The following ARL17B variants were observed in gnomAD, a reference collection of about 807,000 sequenced individuals.
ARL17B encodes the protein ARF like GTPase 17B.
At chr17:46,323,502 T>G (rs2051513373) in intron 3 of ARL17B, among the ~76,000 whole-genome samples, 2 of 93,460 alleles carry the variant, frequency 2.1e-5, no homozygotes, top group African/African-American at 6.9e-5. Flanking sequence ...GTTCAAGTGG[T>G]TCTCCTGCCT....
At chr17:46,279,395 G>C (rs1324905530) in intron 4 of ARL17B, among the ~76,000 whole-genome samples, 3 of 151,486 alleles carry the variant, frequency 2.0e-5, no homozygotes, top group Non-Finnish European at 4.4e-5. Context: ...TGTTGTCCAG[G>C]CTGGTCTTGA....
intron 4 of ARL17B, among the ~76,000 whole-genome samples, chr17:46,287,684 G>A (rs2532279): frequency 0.14 from 21,593 of 151,742 alleles, 1,904 homozygotes; most frequent in Non-Finnish European, 0.22. Context: ...GGCCTGGCTA[G>A]TTAACGGGTA....
chr17:46,279,258 A>G (rs1297993296), intron 4 of ARL17B, among the ~76,000 whole-genome samples: 1 of 144,274 alleles, frequency 6.9e-6, no homozygotes, highest in Non-Finnish European at 1.5e-5. Flanking sequence ...ATCTTGGCTC[A>G]CTGCAACCTC....
intron 4 of ARL17B, among the ~76,000 whole-genome samples, chr17:46,290,097 TGACAAAGTGA>T (rs2050024688): frequency 6.7e-6 from 1 of 148,924 alleles, no homozygotes; most frequent in South Asian, 2.1e-4. Context: ...GCAATGTAGA[TGACAAAGTGA>T]GACCCTGTCT....
chr17:46,316,675 G>C (rs1322867062), intron 3 of ARL17B, among the ~76,000 whole-genome samples: 1 of 61,072 alleles, frequency 1.6e-5, no homozygotes, highest in East Asian at 3.2e-4. Flanking sequence ...GGATTTGGCA[G>C]GGTCATAGGA....
At chr17:46,280,763 G>A (rs2049741626) in intron 4 of ARL17B, among the ~76,000 whole-genome samples, 1 of 152,094 alleles carries the variant, frequency 6.6e-6, no homozygotes, top group Admixed American at 6.5e-5. Context: ...TAGTAGGGAC[G>A]AGGTTTTGCC....
At position 46,334,939 on chromosome 17, in the gene ARL17B, C is replaced by T. The variant is rs1323761337; in HGVS notation, c.*4561G>A. ...TATGTATACATTTTATTAGTGATGA[C>T]TTAAATTACATGGGGCCAGGCATGG... is the stretch of plus-strand genomic sequence containing the variant. On this transcript the variant is annotated 3_prime_UTR_variant, in exon 4 of 4. Transcript: ENST00000450673. The T allele has an allele frequency of 9.1e-6, 1 of 110,420 alleles. No homozygotes were observed. 6.8% of individuals were successfully genotyped at this position (110,420 alleles called of 1,614,324 possible).
downstream of ARL17B, chr17:46,330,809 C>G: frequency 1.5e-6 from 1 of 675,246 alleles, no homozygotes; most frequent in South Asian, 2.8e-5. Context: ...CCAGAAAAGG[C>G]ACTTCAAAGA....
At chr17:46,290,602 A>G (rs1278255450) in intron 4 of ARL17B, among the ~76,000 whole-genome samples, 1 of 151,940 alleles carries the variant, frequency 6.6e-6, no homozygotes, top group Non-Finnish European at 1.5e-5. Flanking sequence ...GCCTGCCACC[A>G]TGCCTGGCTA....
chr17:46,332,925 T>C (rs188242700), downstream of ARL17B, among the ~76,000 whole-genome samples: 3 of 151,580 alleles, frequency 2.0e-5, no homozygotes, highest in African/African-American at 7.3e-5. Context: ...TAGCAAAATT[T>C]CTCCCACCCA....
At chr17:46,278,112 A>G in intron 4 of ARL17B, among the ~76,000 whole-genome samples, 1 of 151,998 alleles carries the variant, frequency 6.6e-6, no homozygotes, top group Non-Finnish European at 1.5e-5. Flanking sequence ...ATGCCTGGCT[A>G]ATTTTTGTAT....
At chr17:46,281,959 T>C (rs2081921785) in intron 4 of ARL17B, among the ~76,000 whole-genome samples, 1 of 152,106 alleles carries the variant, frequency 6.6e-6, no homozygotes, top group South Asian at 2.1e-4. Context: ...TTACAGATTT[T>C]GTAGTTTCTT....
chr17:46,283,397 A>G (rs1448240165), intron 4 of ARL17B, among the ~76,000 whole-genome samples: 1 of 152,284 alleles, frequency 6.6e-6, no homozygotes, highest in Non-Finnish European at 1.5e-5. Context: ...TTATGGGCCT[A>G]TAATGAAAAA....
chr17:46,327,936 C>T (rs1307576226), intron 3 of ARL17B, among the ~76,000 whole-genome samples: 1 of 62,214 alleles, frequency 1.6e-5, no homozygotes, highest in African/African-American at 3.6e-5. Flanking sequence ...CCAATGCAGT[C>T]TTTGTTATTT....
chr17:46,281,525 G>A (rs1315661274), intron 4 of ARL17B, among the ~76,000 whole-genome samples: 3 of 152,166 alleles, frequency 2.0e-5, no homozygotes, highest in Non-Finnish European at 2.9e-5. Flanking sequence ...GAACTCCTGG[G>A]CACAAGTGAT....
rs868096093 is a variant in ARL17B, at chr17:46,341,193, T to C, written c.260-1419A>G. ...TGGGGATGGGAGGCAGGACTGCACCTTCACAGGGACGCTTCCACCCTACCC... is the reference window on the plus strand; with the variant it reads ...TGGGGATGGGAGGCAGGACTGCACCCTCACAGGGACGCTTCCACCCTACCC... On this transcript the variant is annotated intron_variant, in intron 3 of 3. Coordinates refer to ENST00000450673, the MANE Select transcript of ARL17B (RefSeq NM_001039083.5). 8.4e-3 allele frequency among the ~76,000 whole-genome samples: 306 copies of C among 36,646 alleles called. 21 individuals are homozygous for C. Among genetic ancestry groups the C allele is most frequent in the African/African-American group, 0.039 (295 of 7,642 alleles). The allele number at this position is 36,646 out of a possible 152,430, so 24.0% of individuals were successfully genotyped here.
At chr17:46,283,256 A>C (rs868758362) in intron 4 of ARL17B, among the ~76,000 whole-genome samples, 2 of 152,262 alleles carry the variant, frequency 1.3e-5, no homozygotes, top group Non-Finnish European at 2.9e-5. Flanking sequence ...TTTTATGGTT[A>C]ATAAAATATA....
intron 4 of ARL17B, among the ~76,000 whole-genome samples, chr17:46,291,921 G>A (rs1308406249): frequency 2.7e-5 from 4 of 145,542 alleles, no homozygotes; most frequent in Admixed American, 7.1e-5. Context: ...TGATTGCACC[G>A]CTGCACTCCA....
chr17:46,332,846 C>T (rs1226800499), downstream of ARL17B, among the ~76,000 whole-genome samples: 1 of 149,504 alleles, frequency 6.7e-6, no homozygotes, highest in East Asian at 2.0e-4. Context: ...TTAAAGGATC[C>T]TCGCTTTCAG....
Sources: allele counts gnomAD v4.1 joint callset (sites outside exome capture counted in the v4.1 genomes callset), GRCh38; gene constraint gnomAD v4.1.1; transcripts MANE v1.5; gene names NCBI Gene and HGNC (gene_info 2026-07-23, HGNC 2026-07-21).